The following SPATA13 variants were observed in gnomAD, a reference collection of about 807,000 sequenced individuals.
The protein encoded by SPATA13 is spermatogenesis associated 13, also known as spermatogenesis-associated protein 13.
SPATA13 carries 50 observed loss-of-function variants against 104.0 expected under a neutral mutation model. The ratio of observed to expected loss-of-function variants is 0.48; its 90% CI spans 0.38 to 0.61. The LOEUF (loss-of-function observed/expected upper bound fraction) is 0.61. Ranked by LOEUF, SPATA13 falls within the 20% of genes least tolerant of loss-of-function variation. SPATA13 has a pLI of 0.00. For missense variants in SPATA13, 1,524 were observed against 1,690.6 expected, an observed-to-expected ratio of 0.90 and a Z score of 1.73; for synonymous variants, 606 against 667.5, an observed-to-expected ratio of 0.91 and a Z score of 1.42.
intron 3 of SPATA13, among the ~76,000 whole-genome samples, chr13:24,091,615 A>C (rs1483904553): frequency 6.6e-6 from 1 of 152,204 alleles, no homozygotes; most frequent in Non-Finnish European, 1.5e-5. Context: ...GTCTGAGACC[A>C]GTTTGGCCAA....
chr13:24,235,947 A>G (rs573711552), intron 2 of SPATA13, among the ~76,000 whole-genome samples: 2 of 152,348 alleles, frequency 1.3e-5, no homozygotes, highest in Admixed American at 1.3e-4. Context: ...AAGTTCCATC[A>G]TGCAACACTG....
At chr13:24,003,971 T>G (rs6490853) in intron 2 of SPATA13, among the ~76,000 whole-genome samples, 84,359 of 151,922 alleles carry the variant, frequency 0.56, 24,027 homozygotes, top group East Asian at 0.7. Context: ...TACACTTGCT[T>G]CATATACATA....
Position 24,224,052 on chromosome 13 carries a change from C to T in SPATA13, c.1123C>T (p.Arg375Trp), listed in dbSNP as rs1233829548. 12 of 1,547,332 alleles carry T rather than the reference C, an allele frequency of 7.8e-6. No individual in the cohort carries two copies. The highest frequency in any genetic ancestry group is 2.4e-5 in the East Asian group (1 of 40,894). Reference sequence around the variant, plus strand: ...CAGGAGCACTGAGCAGGACAGCAGGCGGGGCGGGGCGGTCATGCATGGGAC... The same window carrying T: ...CAGGAGCACTGAGCAGGACAGCAGGTGGGGCGGGGCGGTCATGCATGGGAC... ...VSRSTEQDSR[R>W]GGAVMHGTTA... The change falls in exon 2 of 13, where the codon CGG (arginine) becomes TGG (tryptophan). Residue 375 changes from arginine (R) to tryptophan (W), a missense_variant. This residue lies in a region of SPATA13 where 1,089 missense variants were observed against 1,135.9 expected (regional missense o/e 0.96). Transcript: ENST00000382108.
At chr13:24,217,759 G>A (rs1032323377) in intron 1 of SPATA13, among the ~76,000 whole-genome samples, 1 of 152,130 alleles carries the variant, frequency 6.6e-6, no homozygotes, top group African/African-American at 2.4e-5. Context: ...GCTGGGAGTT[G>A]GTGCTGCCCA....
chr13:24,256,406 T>C (rs1566176118), intron 4 of SPATA13, among the ~76,000 whole-genome samples: 1 of 152,340 alleles, frequency 6.6e-6, no homozygotes, highest in Admixed American at 6.5e-5. Context: ...ATTTGCTCAT[T>C]CCACATTGTA....
At chr13:24,177,047 G>A (rs1473993559) in intron 1 of SPATA13, among the ~76,000 whole-genome samples, 1 of 152,166 alleles carries the variant, frequency 6.6e-6, no homozygotes. Flanking sequence ...TTACAGGCAC[G>A]AGCTGCCGCA....
intron 2 of SPATA13, among the ~76,000 whole-genome samples, chr13:24,226,358 T>C (rs1342384564): frequency 6.6e-6 from 1 of 152,260 alleles, no homozygotes; most frequent in Non-Finnish European, 1.5e-5. Flanking sequence ...GTTTGGTACC[T>C]GTCGGCCTTT....
chr13:24,238,605 A>G (rs1252014525), intron 2 of SPATA13, among the ~76,000 whole-genome samples: 1 of 152,166 alleles, frequency 6.6e-6, no homozygotes, highest in African/African-American at 2.4e-5. Context: ...GGGTGACTCC[A>G]GGGCCAGAGC....
At chr13:24,296,900 A>G (rs901085620) in intron 10 of SPATA13, among the ~76,000 whole-genome samples, 3 of 152,140 alleles carry the variant, frequency 2.0e-5, no homozygotes, top group African/African-American at 7.2e-5. Context: ...CCACCTGTGA[A>G]TGGGGACAGG....
chr13:24,249,024 C>T (rs1055155104), intron 2 of SPATA13, among the ~76,000 whole-genome samples: 9 of 152,130 alleles, frequency 5.9e-5, no homozygotes, highest in African/African-American at 1.2e-4. Context: ...CACGCGCCAC[C>T]GCGCCCCGCT....
At chr13:24,294,009 CATT>C (rs1876584209) in intron 9 of SPATA13, among the ~76,000 whole-genome samples, 1 of 152,186 alleles carries the variant, frequency 6.6e-6, no homozygotes, top group Non-Finnish European at 1.5e-5. Context: ...CATGGCCCCG[CATT>C]ATTAACGCTG....
At chr13:24,163,269 G>T (rs1054462168) in intron 1 of SPATA13, among the ~76,000 whole-genome samples, 1 of 152,122 alleles carries the variant, frequency 6.6e-6, no homozygotes. Context: ...TTGTGATGGC[G>T]CACTCACCTG....
intron 1 of SPATA13, among the ~76,000 whole-genome samples, chr13:24,175,764 A>G (rs955337162): frequency 3.3e-5 from 5 of 152,218 alleles, no homozygotes; most frequent in Non-Finnish European, 5.9e-5. Context: ...GTCCCTGAGG[A>G]TATAAAAATA....
rs752999352 is a variant in SPATA13, at chr13:24,011,346, G to A, written c.-146-6321G>A. On this transcript the variant is annotated intron_variant, in intron 2 of 14. Transcript: ENST00000424834. The surrounding 1 kb of genome is among the most constrained non-coding windows in gnomAD (Gnocchi z 4.3). ...GCTTGGCCATCTCATGCTGTCTCAC[G>A]TTCCGCAGCTGGTCTGGGCCCAAGT... Among the ~76,000 whole-genome samples, 2 of 152,118 alleles carry A rather than the reference G, an allele frequency of 1.3e-5. No homozygotes were observed. Among genetic ancestry groups the A allele is most frequent in the Non-Finnish European group, 2.9e-5 (2 of 68,032 alleles).
At chr13:24,159,634 G>T (rs1882384611), upstream of SPATA13, among the ~76,000 whole-genome samples, 1 of 152,258 alleles carries the variant, frequency 6.6e-6, no homozygotes, top group East Asian at 1.9e-4. Context: ...GCCGCATGCT[G>T]TTCATTCTGT....
chr13:24,180,413 G>A (rs1868725586), intron 1 of SPATA13, among the ~76,000 whole-genome samples: 1 of 152,122 alleles, frequency 6.6e-6, no homozygotes, highest in African/African-American at 2.4e-5. Flanking sequence ...AGTAAGCTTT[G>A]AAATTAGGAA....
intron 3 of SPATA13, among the ~76,000 whole-genome samples, chr13:24,090,621 A>T (rs1406021781): frequency 6.6e-6 from 1 of 152,066 alleles, no homozygotes; most frequent in Non-Finnish European, 1.5e-5. Flanking sequence ...CCCCACTTAG[A>T]GTTACCACAG....
At chr13:24,102,937 C>T (rs1222419616) in intron 3 of SPATA13, among the ~76,000 whole-genome samples, 1 of 152,156 alleles carries the variant, frequency 6.6e-6, no homozygotes, top group Non-Finnish European at 1.5e-5. Context: ...GGTCTTTAAC[C>T]CATTTTGAGC....
intron 9 of SPATA13, 36 bp downstream of exon 9, chr13:24,290,920 C>T (rs1566197308): frequency 1.3e-6 from 2 of 1,539,658 alleles, no homozygotes; most frequent in Non-Finnish European, 1.8e-6. Context: ...GGTGAGAGCA[C>T]TGCTGCCATT....
Sources: gnomAD v4.1 joint callset for allele counts (sites outside exome capture counted in the v4.1 genomes callset) on GRCh38, gnomAD v4.1.1 for gene constraint, gnomAD v4.1.1 regional missense constraint, Gnocchi (gnomAD v3.1) non-coding constraint, MANE v1.5 for transcripts, NCBI Gene and HGNC (gene_info 2026-07-23, HGNC 2026-07-21) for gene names.